The following TEX11 variants were observed in gnomAD, a reference collection of about 807,000 sequenced individuals.
The protein encoded by TEX11 is testis-expressed protein 11.
Under a neutral mutation model 84.4 loss-of-function variants are expected in TEX11, and 7 were observed. The observed-to-expected ratio is 0.08, with a 90% confidence interval of 0.05 to 0.16. The LOEUF (loss-of-function observed/expected upper bound fraction) is 0.16, where lower values mean the gene tolerates loss of function less well. Ranked by LOEUF, TEX11 falls within the 10% of genes least tolerant of loss-of-function variation. TEX11 has a pLI of 1.00. For missense variants in TEX11, 551 were observed against 660.5 expected (o/e 0.83, Z 1.82); for synonymous variants, 264 against 222.8 (o/e 1.18, Z -1.64).
chrX:70,527,593 A>T (rs2087835440), downstream of TEX11, among the ~76,000 whole-genome samples: 1 of 111,799 alleles, frequency 8.9e-6, no homozygotes, highest in Non-Finnish European at 1.9e-5. Flanking sequence ...ATAATCCTGA[A>T]CTTAGGAAGG....
chrX:70,710,961 C>G (rs1458018546), intron 13 of TEX11, among the ~76,000 whole-genome samples: 1 of 108,103 alleles, frequency 9.3e-6, no homozygotes, highest in Non-Finnish European at 1.9e-5. Flanking sequence ...ACAACAGGCC[C>G]CAGTGTGTGA....
At chrX:70,771,098 A>T (rs1212089386) in intron 9 of TEX11, among the ~76,000 whole-genome samples, 6 of 112,429 alleles carry the variant, frequency 5.3e-5, no homozygotes, top group African/African-American at 1.9e-4. Flanking sequence ...GTGTTTGTTT[A>T]AAAAAAGATA....
chrX:70,641,691 A>G (rs12389048), intron 17 of TEX11, among the ~76,000 whole-genome samples: 20,677 of 109,922 alleles, frequency 0.19, 1,646 homozygotes, highest in African/African-American at 0.2. Flanking sequence ...CGAAATGAAG[A>G]CAGAAATAAA....
intron 15 of TEX11, among the ~76,000 whole-genome samples, chrX:70,677,810 CTTTTTTTTTT>C (rs35653618): frequency 1.6e-5 from 1 of 63,582 alleles, no homozygotes; most frequent in Non-Finnish European, 2.7e-5. Flanking sequence ...CTTTTCTTTC[CTTTTTTTTTT>C]TTTTTTTTTT....
intron 13 of TEX11, among the ~76,000 whole-genome samples, chrX:70,697,279 G>T: frequency 8.9e-6 from 1 of 111,839 alleles, no homozygotes; most frequent in South Asian, 3.8e-4. Flanking sequence ...GCCATGTAAG[G>T]TAACATACTC....
intron 20 of TEX11, among the ~76,000 whole-genome samples, chrX:70,613,722 G>T (rs1468873983): frequency 9.0e-6 from 1 of 111,658 alleles, no homozygotes; most frequent in Non-Finnish European, 1.9e-5. Flanking sequence ...AGCTAAGGGG[G>T]TGCTTGTTCC....
intron 25 of TEX11, among the ~76,000 whole-genome samples, chrX:70,571,861 A>G (rs1368218970): frequency 8.9e-6 from 1 of 111,817 alleles, no homozygotes; most frequent in Non-Finnish European, 1.9e-5. Flanking sequence ...AAGCTTGGGA[A>G]GTCTTGTGAA....
chrX:70,787,403 T>C (rs1462523021), intron 9 of TEX11, among the ~76,000 whole-genome samples: 1 of 109,327 alleles, frequency 9.1e-6, no homozygotes, highest in Non-Finnish European at 1.9e-5. Flanking sequence ...CAATCTCAAC[T>C]CATTGCAACC....
At chrX:70,768,457 AAGAC>A (rs1240146389) in intron 9 of TEX11, among the ~76,000 whole-genome samples, 1 of 111,550 alleles carries the variant, frequency 9.0e-6, no homozygotes, top group Non-Finnish European at 1.9e-5. Context: ...AGAACTGTCT[AAGAC>A]AGGGTAATTT....
intron 9 of TEX11, among the ~76,000 whole-genome samples, chrX:70,798,028 G>T (rs114169246): frequency 2.9e-5 from 3 of 101,894 alleles, no homozygotes; most frequent in African/African-American, 1.1e-4. Context: ...GCAAGATGAG[G>T]GGGGGGGAAA....
In TEX11 at chrX:70,798,026, A is replaced by AGG. The variant is rs57579219; in HGVS notation, c.692+8677_692+8678dup. Among the ~76,000 whole-genome samples, 142 of 93,777 alleles carry AGG rather than the reference A, an allele frequency of 1.5e-3. 1 individual carries two copies. The highest frequency in any genetic ancestry group is 3.6e-3 in the South Asian group (6 of 1,682). The allele number at this position is 93,777 out of a possible 115,157, so 81.4% of individuals were successfully genotyped here. A position where few individuals can be genotyped will look rare whatever the true frequency, so the allele number is the denominator to read the frequency against. The stretch of plus-strand genomic sequence containing the variant: ...TTAGCCAGAGCAATTAGGCAAGATG[A>AGG]GGGGGGGGGAAAGGCATTCAAATTT... On this transcript the variant is annotated intron_variant, in intron 9 of 29. Transcript: ENST00000374333.
intron 9 of TEX11, among the ~76,000 whole-genome samples, chrX:70,759,049 T>A (rs2090889707): frequency 9.0e-6 from 1 of 111,255 alleles, no homozygotes; most frequent in Non-Finnish European, 1.9e-5. Context: ...ACATAAACCC[T>A]CCCAAGACTA....
rs751207041 is a variant in TEX11, at chrX:70,682,658, C to A, written c.1156+16G>T. On this transcript the variant is annotated intron_variant, in intron 14 of 29. Coordinates refer to ENST00000374333, the MANE Select transcript of TEX11 (RefSeq NM_031276.3). ...AATTAATACGTTTCTAAAACACTTG[C>A]GAAAATCCTACTGACCTAAAAAGAT... 4.2e-6 allele frequency: 5 copies of A among 1,203,877 alleles called. No homozygotes were observed. The highest frequency in any genetic ancestry group is 1.8e-5 in the South Asian group (1 of 55,121).
chrX:70,691,767 A>G (rs1455500807), intron 13 of TEX11, among the ~76,000 whole-genome samples: 1 of 110,318 alleles, frequency 9.1e-6, no homozygotes, highest in Non-Finnish European at 1.9e-5. Flanking sequence ...TATAGTTAAT[A>G]ATAATGTATT....
intron 5 of TEX11, among the ~76,000 whole-genome samples, chrX:70,858,683 T>A (rs1363844861): frequency 9.0e-6 from 1 of 111,638 alleles, no homozygotes. Flanking sequence ...CATTGTCTTT[T>A]AGAAACACAC....
chrX:70,571,275 TCC>T, intron 25 of TEX11, among the ~76,000 whole-genome samples: 1 of 112,215 alleles, frequency 8.9e-6, no homozygotes, highest in Non-Finnish European at 1.9e-5. Context: ...CGCCTTGGCC[TCC>T]CAAAGTGCTG....
At chrX:70,749,287 G>C (rs2090793513) in intron 9 of TEX11, among the ~76,000 whole-genome samples, 1 of 107,293 alleles carries the variant, frequency 9.3e-6, no homozygotes, top group Non-Finnish European at 1.9e-5. Flanking sequence ...CTGAGACTTT[G>C]CTGAAGTTGC....
chrX:70,551,743 G>A (rs976259421), intron 28 of TEX11, among the ~76,000 whole-genome samples: 4 of 111,413 alleles, frequency 3.6e-5, no homozygotes, highest in Non-Finnish European at 7.5e-5. Flanking sequence ...CTAGAATACA[G>A]GTCTTCAATG....
intron 13 of TEX11, among the ~76,000 whole-genome samples, chrX:70,704,235 G>A (rs1364700876): frequency 2.7e-5 from 3 of 110,033 alleles, no homozygotes; most frequent in Non-Finnish European, 3.8e-5. Context: ...CACACTTCCT[G>A]TACAGTCTGT....
Sources: allele counts gnomAD v4.1 joint callset (sites outside exome capture counted in the v4.1 genomes callset), GRCh38; gene constraint gnomAD v4.1.1; transcripts MANE v1.5; gene names NCBI Gene and HGNC (gene_info 2026-07-23, HGNC 2026-07-21).